The following EVL variants were observed in gnomAD, a reference collection of about 807,000 sequenced individuals.
EVL encodes Enah/Vasp-like, also known as ena/VASP-like protein.
EVL carries 21 observed loss-of-function variants against 59.6 expected under a neutral mutation model. The observed-to-expected ratio is 0.35, with a 90% CI of 0.25 to 0.51. EVL has a LOEUF of 0.51. EVL is among the 20% of genes least tolerant of loss of function. The pLI, the probability that EVL is intolerant of heterozygous loss-of-function variation, is 0.97. For missense variants in EVL, 462 were observed against 546.6 expected (o/e 0.85, Z 1.54); for synonymous variants, 198 against 203.5 (o/e 0.97, Z 0.23).
At chr14:100,068,700 GA>G (rs1456021867) in intron 1 of EVL, among the ~76,000 whole-genome samples, 1 of 152,164 alleles carries the variant, frequency 6.6e-6, no homozygotes, top group Non-Finnish European at 1.5e-5. Context: ...GGGCGTGGGG[GA>G]AACATGAGTC....
chr14:100,025,784 A>C (rs969583346), intron 1 of EVL, among the ~76,000 whole-genome samples: 1 of 152,164 alleles, frequency 6.6e-6, no homozygotes, highest in Admixed American at 6.5e-5. Context: ...CAAAAATACA[A>C]AATTAGCCAG....
At chr14:99,987,666 T>C (rs573705546) in intron 1 of EVL, among the ~76,000 whole-genome samples, 20 of 151,870 alleles carry the variant, frequency 1.3e-4, no homozygotes, top group South Asian at 1.2e-3. Context: ...AACAAACAAA[T>C]AAATAAAAGG....
intron 1 of EVL, among the ~76,000 whole-genome samples, chr14:100,038,665 G>A (rs1158248869): frequency 2.0e-5 from 3 of 152,238 alleles, no homozygotes; most frequent in Middle Eastern, 3.4e-3. Context: ...AATAATGCTA[G>A]AACTTCACTG....
chr14:100,003,511 G>A (rs1814015091), intron 1 of EVL, among the ~76,000 whole-genome samples: 1 of 152,040 alleles, frequency 6.6e-6, no homozygotes, highest in African/African-American at 2.4e-5. Flanking sequence ...CTGCTTCCTG[G>A]GTTCAAGCAA....
chr14:100,132,033 CG>C (rs1888468193), intron 7 of EVL, among the ~76,000 whole-genome samples: 1 of 152,018 alleles, frequency 6.6e-6, no homozygotes. Context: ...GCCACAGAAG[CG>C]TATCTCTGGG....
chr14:100,016,586 CAAACAAACAA>C (rs1434527996), intron 1 of EVL, among the ~76,000 whole-genome samples: 1 of 152,176 alleles, frequency 6.6e-6, no homozygotes, highest in Admixed American at 6.5e-5. Flanking sequence ...CTAAAACAAA[CAAACAAACAA>C]AAACAACAAC....
upstream of EVL, among the ~76,000 whole-genome samples, chr14:100,064,225 ATAT>A (rs143092436): frequency 0.76 from 115,932 of 151,936 alleles, 45,275 homozygotes; most frequent in Non-Finnish European, 0.84. Flanking sequence ...TATATCAATA[ATAT>A]TTTAATGGAT....
Position 100,004,232 on chromosome 14 carries a change from C to T in EVL, c.5+32175C>T, listed in dbSNP as rs191833327. Among the ~76,000 whole-genome samples, 412 of 152,180 alleles carry T rather than the reference C, an allele frequency of 2.7e-3. 3 individuals are homozygous for T. Among genetic ancestry groups the T allele is most frequent in the African/African-American group, 9.8e-3 (408 of 41,514 alleles). The stretch of plus-strand genomic sequence containing the variant: ...ATCAACCAACCAACCAACCAACAAA[C>T]AAATGTTAGCATCAGGCCACAACAA... On this transcript the variant is annotated intron_variant, in intron 1 of 13. Transcript: ENST00000402714.
chr14:100,116,834 G>A (rs1278639037), intron 3 of EVL, among the ~76,000 whole-genome samples: 2 of 152,232 alleles, frequency 1.3e-5, no homozygotes. Context: ...GTCCTTTAGA[G>A]TTGTAGAAAT....
chr14:99,999,148 T>C (rs2060931274), intron 1 of EVL, among the ~76,000 whole-genome samples: 1 of 152,198 alleles, frequency 6.6e-6, no homozygotes, highest in Non-Finnish European at 1.5e-5. Context: ...TGGTACTCTG[T>C]TGTGTCTACC....
chr14:100,133,426 A>G (rs956018690), intron 8 of EVL, among the ~76,000 whole-genome samples: 1 of 152,246 alleles, frequency 6.6e-6, no homozygotes, highest in Non-Finnish European at 1.5e-5. Flanking sequence ...GTTCCACCTC[A>G]GTGCAGAATC....
intron 1 of EVL, among the ~76,000 whole-genome samples, chr14:100,033,675 A>G (rs576349548): frequency 6.6e-6 from 1 of 152,348 alleles, no homozygotes; most frequent in East Asian, 1.9e-4. Flanking sequence ...CCTGCTAAGT[A>G]CTTTATATGC....
intron 2 of EVL, 99 bp downstream of exon 2, chr14:100,084,954 AG>A: frequency 7.4e-7 from 1 of 1,355,584 alleles, no homozygotes; most frequent in Non-Finnish European, 1.0e-6. Flanking sequence ...CAGAACAAAA[AG>A]GTCAATATTC....
At chr14:100,000,378 C>T (rs1231031473) in intron 1 of EVL, among the ~76,000 whole-genome samples, 8 of 132,920 alleles carry the variant, frequency 6.0e-5, no homozygotes, top group African/African-American at 5.7e-5. Flanking sequence ...GACGGAGTCT[C>T]GCTCTGTCAC....
rs150264310 is a variant in EVL at position 99,993,353 on chromosome 14, C to T, written c.5+21296C>T. On this transcript the variant is annotated intron_variant, in intron 1 of 13. Coordinates refer to the EVL transcript ENST00000402714. ...GATTACAGGCGTGAGCCACCGCGCCCGGTCGTTTAATCCTTTTAATGTGTT... is the reference window on the plus strand; with the variant it reads ...GATTACAGGCGTGAGCCACCGCGCCTGGTCGTTTAATCCTTTTAATGTGTT... Among the ~76,000 whole-genome samples the T allele has an allele frequency of 4.1e-3, 629 of 152,194 alleles. 12 individuals carry two copies. Among genetic ancestry groups the T allele is most frequent in the South Asian group, 0.032 (154 of 4,814 alleles).
chr14:100,094,378 G>C (rs1885657918), intron 2 of EVL, among the ~76,000 whole-genome samples: 1 of 151,922 alleles, frequency 6.6e-6, no homozygotes, highest in South Asian at 2.1e-4. Flanking sequence ...TTTGAGGTTT[G>C]GAAAAAAAGA....
chr14:100,018,980 T>A (rs1267576912), intron 1 of EVL, among the ~76,000 whole-genome samples: 2 of 152,140 alleles, frequency 1.3e-5, no homozygotes, highest in East Asian at 3.9e-4. Context: ...GATAAATGAA[T>A]AATCAAATAA....
chr14:100,026,440 T>C (rs1337537447), intron 1 of EVL, among the ~76,000 whole-genome samples: 1 of 147,762 alleles, frequency 6.8e-6, no homozygotes, highest in Non-Finnish European at 1.5e-5. Flanking sequence ...GTGCCTGAAA[T>C]GCCATCCTAT....
intron 1 of EVL, among the ~76,000 whole-genome samples, chr14:100,049,546 A>G (rs1434416234): frequency 1.3e-5 from 2 of 152,222 alleles, no homozygotes; most frequent in Non-Finnish European, 2.9e-5. Context: ...GTTTTCTTCA[A>G]CAGTCTCAAA....
Sources: allele counts gnomAD v4.1 joint callset (sites outside exome capture counted in the v4.1 genomes callset), GRCh38; gene constraint gnomAD v4.1.1; transcripts MANE v1.5; gene names NCBI Gene and HGNC (gene_info 2026-07-23, HGNC 2026-07-21).